The following MSI2 variants were observed in gnomAD, a reference collection of about 807,000 sequenced individuals.
The protein encoded by MSI2 is musashi RNA binding protein 2.
MSI2 carries 17 observed loss-of-function variants against 45.6 expected under a neutral mutation model. That is an observed-to-expected ratio of 0.37 (90% confidence interval 0.26 to 0.56). The LOEUF (loss-of-function observed/expected upper bound fraction) is 0.56, where lower values mean the gene tolerates loss of function less well. MSI2 is among the 20% of genes least tolerant of loss of function. The pLI is 0.77. For synonymous variants in MSI2, 156 were observed against 158.2 expected (o/e 0.99, Z 0.11); for missense variants, 293 against 444.2 (o/e 0.66, Z 3.06).
intron 6 of MSI2, among the ~76,000 whole-genome samples, chr17:57,503,619 A>C (rs2086163243): frequency 6.6e-6 from 1 of 152,228 alleles, no homozygotes; most frequent in Admixed American, 6.5e-5. Context: ...CCCAGAGCTG[A>C]CGTTCATCCG....
chr17:57,624,117 G>T (rs956599132), intron 9 of MSI2, among the ~76,000 whole-genome samples: 3 of 152,168 alleles, frequency 2.0e-5, no homozygotes, highest in African/African-American at 7.2e-5. Flanking sequence ...AGGTATAATT[G>T]CATTGTATTT....
intron 6 of MSI2, among the ~76,000 whole-genome samples, chr17:57,440,437 TG>T (rs2084778045): frequency 6.7e-6 from 1 of 149,456 alleles, no homozygotes; most frequent in African/African-American, 2.5e-5. Flanking sequence ...TGTGTGTGTG[TG>T]TGTGTGTGTG....
chr17:57,413,232 A>G (rs995284375), intron 6 of MSI2, among the ~76,000 whole-genome samples: 6 of 151,522 alleles, frequency 4.0e-5, no homozygotes, highest in African/African-American at 1.2e-4. Flanking sequence ...CCTGTGGGGG[A>G]GCTTACCACT....
intron 9 of MSI2, chr17:57,626,853 G>A (rs569769770): frequency 1.4e-4 from 34 of 238,574 alleles, no homozygotes; most frequent in African/African-American, 5.2e-4. Context: ...GATGCATCAC[G>A]AGGACTTTAA....
At chr17:57,531,815 G>A (rs2086826989) in intron 7 of MSI2, 1 of 152,220 alleles carries the variant, frequency 6.6e-6, no homozygotes, top group Non-Finnish European at 1.5e-5. Context: ...GGACTTCTGG[G>A]TGAAGGCCCA....
intron 6 of MSI2, among the ~76,000 whole-genome samples, chr17:57,479,730 A>G (rs1468473340): frequency 6.6e-6 from 1 of 152,232 alleles, no homozygotes; most frequent in Non-Finnish European, 1.5e-5. Context: ...TCACCTGGAC[A>G]GCAAGGTTCT....
intron 8 of MSI2, among the ~76,000 whole-genome samples, chr17:57,598,069 T>TAGG (rs1226465368): frequency 6.6e-6 from 1 of 152,206 alleles, no homozygotes; most frequent in East Asian, 1.9e-4. Flanking sequence ...TCGGATTGAG[T>TAGG]AGGAGGGTGA....
At chr17:57,403,347 T>C (rs1270510348) in intron 6 of MSI2, among the ~76,000 whole-genome samples, 1 of 152,238 alleles carries the variant, frequency 6.6e-6, no homozygotes, top group Non-Finnish European at 1.5e-5. Flanking sequence ...CTTATCATTG[T>C]GACCCAGTAT....
intron 6 of MSI2, among the ~76,000 whole-genome samples, chr17:57,486,545 A>G (rs1376457752): frequency 6.6e-6 from 1 of 152,200 alleles, no homozygotes; most frequent in Non-Finnish European, 1.5e-5. Context: ...TATGCAAATA[A>G]TATATGGGAT....
intron 5 of MSI2, among the ~76,000 whole-genome samples, chr17:57,345,146 A>G (rs935800444): frequency 6.6e-6 from 1 of 152,142 alleles, no homozygotes; most frequent in Non-Finnish European, 1.5e-5. Context: ...CATCCCAGCT[A>G]AAGACCTAGG....
At chr17:57,365,003 A>G (rs1445059109) in intron 5 of MSI2, 1 of 152,184 alleles carries the variant, frequency 6.6e-6, no homozygotes, top group African/African-American at 2.4e-5. Flanking sequence ...AAAAAAATAA[A>G]AACCACACTG....
rs1225016747 is a variant in MSI2 at position 57,386,305 on chromosome 17, CT to C, written c.313-15072del. ...CTGAACAGAACTTTGGCCAGCTGTT[CT>C]TCGTAGGAACAAAGCCTTTTATCTT... On this transcript the variant is annotated intron_variant, in intron 5 of 13. Coordinates refer to ENST00000284073, the MANE Select transcript of MSI2 (RefSeq NM_138962.4). 3.9e-5 allele frequency among the ~76,000 whole-genome samples: 6 copies of C among 152,200 alleles called. No individual in the cohort carries two copies. In the South Asian group the frequency reaches 6.2e-4, roughly 16 times the overall value.
chr17:57,451,841 T>C (rs2085025073), intron 6 of MSI2, among the ~76,000 whole-genome samples: 1 of 152,198 alleles, frequency 6.6e-6, no homozygotes, highest in African/African-American at 2.4e-5. Context: ...TGCTGCCCAG[T>C]AGAGGCAGTT....
chr17:57,591,253 A>G (rs1904798868), intron 7 of MSI2, among the ~76,000 whole-genome samples: 1 of 152,150 alleles, frequency 6.6e-6, no homozygotes. Flanking sequence ...GGGCAATGAG[A>G]AGGAAATAAT....
intron 10 of MSI2, among the ~76,000 whole-genome samples, chr17:57,651,807 G>A (rs1911171260): frequency 6.6e-6 from 1 of 152,224 alleles, no homozygotes; most frequent in Non-Finnish European, 1.5e-5. Context: ...GCTCAACCCT[G>A]CTTCTCAAGA....
intron 7 of MSI2, among the ~76,000 whole-genome samples, chr17:57,562,943 C>G (rs1043066318): frequency 3.3e-5 from 5 of 151,566 alleles, no homozygotes; most frequent in Admixed American, 6.6e-5. Flanking sequence ...ACTAAAAATA[C>G]AAAAGTTAGC....
intron 7 of MSI2, among the ~76,000 whole-genome samples, chr17:57,591,560 C>CA (rs1487819381): frequency 1.3e-5 from 2 of 151,688 alleles, no homozygotes; most frequent in Non-Finnish European, 2.9e-5. Context: ...CCCATCTCTA[C>CA]AAAAAAATTA....
chr17:57,422,863 G>A (rs954290960), intron 6 of MSI2, among the ~76,000 whole-genome samples: 2 of 152,170 alleles, frequency 1.3e-5, no homozygotes, highest in Admixed American at 1.3e-4. Context: ...GTGCACTTAC[G>A]AATGGGTGAG....
intron 5 of MSI2, among the ~76,000 whole-genome samples, chr17:57,391,709 C>T (rs1417212583): frequency 1.3e-5 from 2 of 152,208 alleles, no homozygotes; most frequent in African/African-American, 2.4e-5. Context: ...CCCCACCATC[C>T]TGTCTGGCTC....
Sources: allele counts gnomAD v4.1 joint callset (sites outside exome capture counted in the v4.1 genomes callset), GRCh38; gene constraint gnomAD v4.1.1; transcripts MANE v1.5; gene names NCBI Gene and HGNC (gene_info 2026-07-23, HGNC 2026-07-21).